The following SPMIP4 variants were observed in gnomAD, a reference collection of about 807,000 sequenced individuals.
SPMIP4 encodes the protein sperm microtubule inner protein 4.
At chr7:25,164,607 G>A in the SPMIP4 span, among the ~76,000 whole-genome samples, 1 of 152,166 alleles carries the variant, frequency 6.6e-6, no homozygotes, top group Admixed American at 6.5e-5. Flanking sequence ...AGGTAGTGAA[G>A]GAAGGAAATT....
the SPMIP4 span, among the ~76,000 whole-genome samples, chr7:25,175,048 G>A: frequency 6.6e-6 from 1 of 152,104 alleles, no homozygotes; most frequent in Non-Finnish European, 1.5e-5. Flanking sequence ...AGTGCTGCTA[G>A]CCCAGTAGTT....
At chr7:25,142,518 A>G in the SPMIP4 span, 1 of 937,690 alleles carries the variant, frequency 1.1e-6, no homozygotes, top group Non-Finnish European at 1.6e-6. Context: ...TTATTTAAAT[A>G]CTTTAGGATT....
the SPMIP4 span, among the ~76,000 whole-genome samples, chr7:25,166,780 G>A: frequency 6.6e-6 from 1 of 151,602 alleles, no homozygotes; most frequent in Admixed American, 6.6e-5. Context: ...TGTAATCCCA[G>A]CTAGGCTGGG....
chr7:25,171,967 A>G, the SPMIP4 span, among the ~76,000 whole-genome samples: 1 of 152,188 alleles, frequency 6.6e-6, no homozygotes, highest in South Asian at 2.1e-4. Flanking sequence ...GACAAACAGG[A>G]ATCCTTTCAG....
chr7:25,153,380 A>G, the SPMIP4 span, among the ~76,000 whole-genome samples: 2 of 150,814 alleles, frequency 1.3e-5, no homozygotes, highest in African/African-American at 4.8e-5. Context: ...CCTGGCCAAC[A>G]TGGTGAAACC....
chr7:25,178,707 G>C, the SPMIP4 span, among the ~76,000 whole-genome samples: 1 of 152,176 alleles, frequency 6.6e-6, no homozygotes, highest in African/African-American at 2.4e-5. Context: ...TGAAGGTTCA[G>C]ATAATTGCCA....
chr7:25,136,636 A>G, the SPMIP4 span: 7 of 1,614,164 alleles, frequency 4.3e-6, no homozygotes, highest in African/African-American at 6.7e-5. The surrounding 1 kb of genome is among the most constrained non-coding windows in gnomAD (Gnocchi z 5.7). Context: ...ACTGGGTACA[A>G]AGGTATGAAA....
chr7:25,168,774 G>T, the SPMIP4 span, among the ~76,000 whole-genome samples: 1 of 148,344 alleles, frequency 6.7e-6, no homozygotes, highest in Admixed American at 6.7e-5. Flanking sequence ...TGCCCAGGCT[G>T]GAGTGCAGTG....
At chr7:25,127,678 A>G in the SPMIP4 span, among the ~76,000 whole-genome samples, 3 of 152,158 alleles carry the variant, frequency 2.0e-5, no homozygotes, top group African/African-American at 4.8e-5. Flanking sequence ...TCTCTCTGGA[A>G]TTGGTCACTT....
the SPMIP4 span, among the ~76,000 whole-genome samples, chr7:25,169,998 T>C: frequency 6.6e-6 from 1 of 152,256 alleles, no homozygotes; most frequent in Non-Finnish European, 1.5e-5. Flanking sequence ...TGAATAATAC[T>C]GCTATGAATA....
the SPMIP4 span, among the ~76,000 whole-genome samples, chr7:25,166,463 T>C: frequency 6.6e-6 from 1 of 152,080 alleles, no homozygotes; most frequent in Admixed American, 6.5e-5. Flanking sequence ...GGCGGACGCC[T>C]GTAGTCCCAG....
At chr7:25,139,761 C>A in the SPMIP4 span, among the ~76,000 whole-genome samples, 1 of 152,088 alleles carries the variant, frequency 6.6e-6, no homozygotes, top group East Asian at 1.9e-4. Flanking sequence ...GTACTTTGAC[C>A]ATATATATTT....
At chr7:25,143,444 A>C in the SPMIP4 span, among the ~76,000 whole-genome samples, 3 of 152,228 alleles carry the variant, frequency 2.0e-5, no homozygotes, top group African/African-American at 7.2e-5. Context: ...TGTGCACAGT[A>C]GTGGCTGCAA....
the SPMIP4 span, among the ~76,000 whole-genome samples, chr7:25,155,815 A>G: frequency 2.0e-5 from 3 of 152,232 alleles, no homozygotes; most frequent in African/African-American, 7.2e-5. Context: ...TCATTTGGAG[A>G]ACTGGCAGAG....
At chr7:25,168,808 C>A in the SPMIP4 span, among the ~76,000 whole-genome samples, 3 of 150,936 alleles carry the variant, frequency 2.0e-5, no homozygotes, top group East Asian at 3.9e-4. Context: ...TCACTGCAGC[C>A]TCTGCCTCCT....
At chr7:25,160,605 T>G in the SPMIP4 span, among the ~76,000 whole-genome samples, 3 of 152,218 alleles carry the variant, frequency 2.0e-5, no homozygotes, top group African/African-American at 7.2e-5. Flanking sequence ...CAGCTGTGTT[T>G]TATTTTTATC....
chr7:25,135,883 GAAA>G, the SPMIP4 span: 3 of 1,477,180 alleles, frequency 2.0e-6, no homozygotes, highest in Non-Finnish European at 2.7e-6. Context: ...GTTTAATCTA[GAAA>G]ACAGAATCCA....
the SPMIP4 span, among the ~76,000 whole-genome samples, chr7:25,172,771 T>C: frequency 1.3e-5 from 2 of 152,130 alleles, no homozygotes; most frequent in Non-Finnish European, 2.9e-5. This position sits in a 1 kb window ranked among gnomAD's most constrained non-coding sequence, Gnocchi z 4.2. Flanking sequence ...ACCCAGATCT[T>C]AGGGGCTGAG....
chr7:25,129,620 C>G, the SPMIP4 span, among the ~76,000 whole-genome samples: 1 of 152,004 alleles, frequency 6.6e-6, no homozygotes, highest in Non-Finnish European at 1.5e-5. Flanking sequence ...ATTTTTGGTT[C>G]TTATGAAGGT....
Sources: allele counts gnomAD v4.1 joint callset (sites outside exome capture counted in the v4.1 genomes callset), GRCh38; gene constraint gnomAD v4.1.1; non-coding constraint Gnocchi (gnomAD v3.1); transcripts MANE v1.5; gene names NCBI Gene and HGNC (gene_info 2026-07-23, HGNC 2026-07-21).